ZNF577: variants seen among roughly 807,000 people sequenced by gnomAD.
ZNF577 encodes zinc finger protein 577.
ZNF577 carries 14 observed loss-of-function variants against 13.9 expected under a neutral mutation model. The observed-to-expected ratio is 1.00, with a 90% CI of 0.66 to 1.57. The LOEUF (loss-of-function observed/expected upper bound fraction) is 1.57, where lower values mean the gene tolerates loss of function less well. Ranked by LOEUF, ZNF577 falls within the 40% of genes most tolerant of loss-of-function variation. The probability of loss-of-function intolerance (pLI) is 0.00; values close to 1 mark genes in which losing one functional copy is unlikely to be tolerated. For missense variants in ZNF577, 555 were observed against 579.2 expected, an observed-to-expected ratio of 0.96 and a Z score of 0.43; for synonymous variants, 203 against 202.9, an observed-to-expected ratio of 1.00 and a Z score of 0.00.
Position 51,880,330 on chromosome 19 carries a change from G to C in ZNF577, c.53C>G (p.Ser18Ter), listed in dbSNP as rs145580196. The change falls in exon 3 of 6, where the codon TCA becomes TGA. Residue 18 changes from serine to a stop codon, truncating the protein, a stop_gained. Coordinates refer to ENST00000638348, the MANE Select transcript of ZNF577 (RefSeq NM_001370449.1). LOFTEE classifies it high-confidence loss of function. Reference sequence around the variant, plus strand: ...CAGCAATGACAAATTTACCTCCCCTGAAGAACTGCCTTGCTCTCTCCTCAC... The same window carrying C: ...CAGCAATGACAAATTTACCTCCCCTCAAGAACTGCCTTGCTCTCTCCTCAC... ...MSVRREQGSS[S>*]GEGSLSFEDV... 1 of 1,614,016 alleles carries C rather than the reference G, an allele frequency of 6.2e-7. No homozygotes were observed. Among genetic ancestry groups the C allele is most frequent in the East Asian group, 2.2e-5 (1 of 44,874 alleles).
intron 9 of ZNF577, among the ~76,000 whole-genome samples, chr19:51,822,579 C>T (rs189536498): frequency 1.3e-5 from 2 of 152,324 alleles, no homozygotes; most frequent in East Asian, 3.9e-4. Flanking sequence ...TTGCTCTCAA[C>T]ATTGAGTCAT....
rs750335830 is a variant in ZNF577, at chr19:51,873,281, T to G, written c.709A>C (p.Thr237Pro). 19 of 1,613,188 alleles carry G rather than the reference T, an allele frequency of 1.2e-5. No individual in the cohort carries two copies. The highest frequency in any genetic ancestry group is 1.4e-5 in the Non-Finnish European group (17 of 1,179,318). ...SQLMVHQRTH[T>P]GEKPYRCSKC... ...CTGCATCTGTAGGGTTTCTCTCCTG[T>G]ATGGGTTCTCTGATGGACCATGAGC... The change falls in exon 6 of 6, where the codon ACA becomes CCA. Residue 237 changes from threonine (T) to proline (P), a missense_variant. By Grantham distance (38) the Thr-to-Pro change is conservative. Coordinates refer to ENST00000638348, the MANE Select transcript of ZNF577 (RefSeq NM_001370449.1).
intron 1 of ZNF577, among the ~76,000 whole-genome samples, chr19:51,885,602 C>G (rs1030939248): frequency 2.0e-5 from 3 of 152,106 alleles, no homozygotes; most frequent in Non-Finnish European, 2.9e-5. Flanking sequence ...ACTTCTGTCT[C>G]CTGGGTTCAA....
chr19:51,885,692 T>C (rs1467477249), intron 1 of ZNF577, among the ~76,000 whole-genome samples: 1 of 152,132 alleles, frequency 6.6e-6, no homozygotes, highest in Non-Finnish European at 1.5e-5. Flanking sequence ...TTGTATTTAG[T>C]AGGGATGGGG....
chr19:51,838,591 A>G (rs2084301543), intron 9 of ZNF577, among the ~76,000 whole-genome samples: 1 of 147,738 alleles, frequency 6.8e-6, no homozygotes, highest in East Asian at 1.9e-4. Flanking sequence ...ATATTTATAT[A>G]TAAGTATAAA....
chr19:51,831,172 G>A lies in ZNF577; in HGVS notation c.*599+8721C>T, dbSNP rs142703213. On this transcript the variant is annotated intron_variant and NMD_transcript_variant, in intron 9 of 10. Transcript: ENST00000638827. ...ACTCTGTTGTCCAGGCTGGAGTGCT[G>A]TGGTGCGATCTTCACTCACCGCAAC... Among the ~76,000 whole-genome samples the A allele has an allele frequency of 2.4e-3, 361 of 152,062 alleles. 1 individual carries two copies. Among genetic ancestry groups the A allele is most frequent in the Non-Finnish European group, 3.6e-3 (244 of 67,988 alleles).
chr19:51,809,044 ATATTGG>A (rs2084079774), intron 10 of ZNF577, among the ~76,000 whole-genome samples: 1 of 152,162 alleles, frequency 6.6e-6, no homozygotes, highest in Non-Finnish European at 1.5e-5. Flanking sequence ...CCAGTTACTG[ATATTGG>A]GTTAGGATTT....
At chr19:51,822,623 A>C (rs2084198672) in intron 9 of ZNF577, among the ~76,000 whole-genome samples, 1 of 152,216 alleles carries the variant, frequency 6.6e-6, no homozygotes. Flanking sequence ...AATATTACAG[A>C]GCTACTATGC....
At chr19:51,886,016 A>T (rs1005279003) in intron 1 of ZNF577, 1 of 152,212 alleles carries the variant, frequency 6.6e-6, no homozygotes, top group African/African-American at 2.4e-5. Context: ...AAAAATATTA[A>T]GCAAAAGAAG....
At chr19:51,881,476 CATT>C (rs1257001190) in intron 1 of ZNF577, among the ~76,000 whole-genome samples, 1 of 152,174 alleles carries the variant, frequency 6.6e-6, no homozygotes, top group African/African-American at 2.4e-5. Context: ...ATAAGGTACT[CATT>C]ATTATTTCCA....
At chr19:51,844,936 G>A (rs1238844067) in intron 5 of ZNF577, 1 of 152,122 alleles carries the variant, frequency 6.6e-6, no homozygotes. Context: ...CAGCATCTAT[G>A]AATTCAAACA....
chr19:51,810,023 A>T (rs1246745286), intron 10 of ZNF577, among the ~76,000 whole-genome samples: 2 of 152,104 alleles, frequency 1.3e-5, no homozygotes, highest in Non-Finnish European at 2.9e-5. Flanking sequence ...AAGTCCTGGC[A>T]TTTTTTCCAC....
At chr19:51,849,114 A>C (rs2084368117) in intron 5 of ZNF577, among the ~76,000 whole-genome samples, 1 of 152,144 alleles carries the variant, frequency 6.6e-6, no homozygotes, top group African/African-American at 2.4e-5. Context: ...AAAAACTTGA[A>C]CTATTTCCAC....
At chr19:51,819,492 A>T (rs1017578666) in intron 9 of ZNF577, among the ~76,000 whole-genome samples, 1 of 128,852 alleles carries the variant, frequency 7.8e-6, no homozygotes, top group Non-Finnish European at 1.8e-5. Flanking sequence ...TCATCTTATG[A>T]TATGGAAAAA....
chr19:51,854,770 G>A (rs6509576), intron 5 of ZNF577, among the ~76,000 whole-genome samples: 58,933 of 151,864 alleles, frequency 0.39, 12,794 homozygotes, highest in African/African-American at 0.58. Flanking sequence ...CATTACATAT[G>A]TGTTGGTGTG....
intron 5 of ZNF577, among the ~76,000 whole-genome samples, chr19:51,854,333 ATT>A (rs142092392): frequency 6.9e-6 from 1 of 145,470 alleles, no homozygotes; most frequent in Admixed American, 6.9e-5. Flanking sequence ...TGCTATTTGG[ATT>A]TTTTTTTTTT....
rs8111551 is a variant in ZNF577 at position 51,880,396 on chromosome 19, T to C, written c.-14A>G. The C allele has an allele frequency of 0.042, 67,014 of 1,613,560 alleles. 4,544 individuals are homozygous for C. Among genetic ancestry groups the C allele is most frequent in the South Asian group, 0.23 (21,092 of 91,024 alleles). On this transcript the variant is annotated 5_prime_UTR_variant, in exon 3 of 6. Coordinates refer to ENST00000638348, the MANE Select transcript of ZNF577 (RefSeq NM_001370449.1). ...GGCATTTTTCATGTGTTTCCTGTTA[T>C]TTCAGCTGCCAAAAAAAAGGAGACA...
At chr19:51,884,505 T>C (rs1430598548) in intron 1 of ZNF577, among the ~76,000 whole-genome samples, 3 of 152,152 alleles carry the variant, frequency 2.0e-5, no homozygotes, top group African/African-American at 7.2e-5. Flanking sequence ...GTTAGAGTCA[T>C]CAGAGCCTGA....
At chr19:51,874,023 A>G (rs1374707486) in intron 5 of ZNF577, among the ~76,000 whole-genome samples, 1 of 152,222 alleles carries the variant, frequency 6.6e-6, no homozygotes, top group Non-Finnish European at 1.5e-5. Context: ...CACTCTGTGA[A>G]AAAGGATGAT....
Sources: allele counts gnomAD v4.1 joint callset (sites outside exome capture counted in the v4.1 genomes callset), GRCh38; gene constraint gnomAD v4.1.1; transcripts MANE v1.5; gene names NCBI Gene and HGNC (gene_info 2026-07-23, HGNC 2026-07-21).